The following CNBD1 variants were observed in gnomAD, a reference collection of about 807,000 sequenced individuals.
CNBD1 encodes cyclic nucleotide binding domain containing 1.
In CNBD1, 71 loss-of-function variants were observed where a neutral mutation model predicts 54.4. The observed-to-expected ratio is 1.30, with a 90% confidence interval of 1.08 to 1.59. CNBD1 has a LOEUF of 1.59. Among genes scored for constraint, CNBD1 ranks in the 40% most tolerant of loss-of-function variants. The pLI, the probability that CNBD1 is intolerant of heterozygous loss-of-function variation, is 0.00. For synonymous variants in CNBD1, 182 were observed against 170.7 expected (o/e 1.07, Z -0.51); for missense variants, 659 against 518.0 (o/e 1.27, Z -2.64).
chr8:87,033,952 G>A (rs188077194), intron 4 of CNBD1, among the ~76,000 whole-genome samples: 7 of 152,062 alleles, frequency 4.6e-5, no homozygotes, highest in Admixed American at 1.3e-4. Flanking sequence ...AATCATATTA[G>A]AGCTTATAGG....
At chr8:86,989,304 A>AATAC (rs60755421) in intron 4 of CNBD1, among the ~76,000 whole-genome samples, 41,023 of 149,048 alleles carry the variant, frequency 0.28, 5,907 homozygotes, top group Admixed American at 0.41. Flanking sequence ...AAAACAAATA[A>AATAC]ATACATACAT....
At chr8:86,965,752 C>T (rs1454836176) in intron 4 of CNBD1, among the ~76,000 whole-genome samples, 3 of 152,094 alleles carry the variant, frequency 2.0e-5, no homozygotes, top group Non-Finnish European at 4.4e-5. Context: ...GGTATGAAGA[C>T]AAGCGAAGGG....
intron 4 of CNBD1, among the ~76,000 whole-genome samples, chr8:87,184,586 G>A (rs185692314): frequency 1.3e-4 from 20 of 152,258 alleles, no homozygotes; most frequent in Admixed American, 1.3e-3. Context: ...GGGGTCTCCT[G>A]CAGCTAGGAT....
intron 2 of CNBD1, among the ~76,000 whole-genome samples, chr8:87,417,008 A>T (rs946483439): frequency 2.6e-5 from 4 of 152,106 alleles, no homozygotes; most frequent in Non-Finnish European, 5.9e-5. Context: ...ATTTCATAGT[A>T]ATATGAATCA....
intron 4 of CNBD1, among the ~76,000 whole-genome samples, chr8:87,179,324 C>T (rs984124676): frequency 1.3e-5 from 2 of 152,114 alleles, no homozygotes; most frequent in African/African-American, 4.8e-5. Flanking sequence ...GCTTTAAAAA[C>T]TGCAGTTTTA....
chr8:86,976,963 G>A (rs1414398632), intron 4 of CNBD1, among the ~76,000 whole-genome samples: 8 of 151,700 alleles, frequency 5.3e-5, no homozygotes, highest in Admixed American at 6.6e-5. Flanking sequence ...TCATTCTATC[G>A]GCAAACAGAA....
chr8:86,946,590 G>A (rs771789945), intron 4 of CNBD1, among the ~76,000 whole-genome samples: 14 of 152,030 alleles, frequency 9.2e-5, no homozygotes, highest in Non-Finnish European at 1.5e-4. Context: ...AGTATTTAGT[G>A]TAAGTTCTTT....
chr8:87,384,456 T>C (rs758403043), downstream of CNBD1, among the ~76,000 whole-genome samples: 1 of 151,972 alleles, frequency 6.6e-6, no homozygotes, highest in Non-Finnish European at 1.5e-5. Flanking sequence ...AAAAAGCAGA[T>C]CAGAAATTAA....
chr8:87,408,814 C>A (rs778421289), intron 2 of CNBD1, among the ~76,000 whole-genome samples: 58 of 152,144 alleles, frequency 3.8e-4, no homozygotes, highest in Middle Eastern at 3.4e-3. Context: ...GATTAGTGAT[C>A]TTTGATGTTA....
At chr8:87,176,988 C>T (rs778087436) in intron 4 of CNBD1, among the ~76,000 whole-genome samples, 10 of 152,006 alleles carry the variant, frequency 6.6e-5, no homozygotes, top group Non-Finnish European at 1.0e-4. Context: ...CAGGTTTAAG[C>T]CATGTCTGAC....
intron 4 of CNBD1, among the ~76,000 whole-genome samples, chr8:86,956,562 G>A (rs1807777012): frequency 1.3e-5 from 2 of 152,110 alleles, no homozygotes; most frequent in Admixed American, 6.6e-5. Flanking sequence ...TTGTAAGTTG[G>A]ATTCCTAGGT....
chr8:87,279,532 G>C (rs1430144929), intron 6 of CNBD1, among the ~76,000 whole-genome samples: 1 of 151,192 alleles, frequency 6.6e-6, no homozygotes, highest in Admixed American at 6.6e-5. Context: ...TAAAATAACA[G>C]ATAAACCAGA....
rs1269684391 is a variant in CNBD1 at position 87,407,893 on chromosome 8, G to T, written c.214-20653G>T. ...TTTAATTATTTATATACATGAGTTAGATTGAGCAAAATCCTCTCCCTTTTG... is the reference window on the plus strand; with the variant it reads ...TTTAATTATTTATATACATGAGTTATATTGAGCAAAATCCTCTCCCTTTTG... On this transcript the variant is annotated intron_variant, in intron 2 of 7. Transcript: ENST00000521593. Among the ~76,000 whole-genome samples the T allele has an allele frequency of 3.3e-5, 5 of 151,986 alleles. 1 individual carries two copies. The East Asian group carries it at 5.8e-4, about 18-fold the overall frequency.
At chr8:87,096,554 G>A (rs1811324621) in intron 4 of CNBD1, among the ~76,000 whole-genome samples, 1 of 152,032 alleles carries the variant, frequency 6.6e-6, no homozygotes, top group Non-Finnish European at 1.5e-5. Flanking sequence ...TTTTAATGCT[G>A]GAAAGCATGA....
At chr8:87,045,877 T>C (rs1398972654) in intron 4 of CNBD1, among the ~76,000 whole-genome samples, 1 of 151,548 alleles carries the variant, frequency 6.6e-6, no homozygotes, top group East Asian at 1.9e-4. Context: ...CCGTCTCTAC[T>C]GAAAATACAA....
chr8:87,055,170 G>T (rs563648553), intron 4 of CNBD1, among the ~76,000 whole-genome samples: 26 of 152,182 alleles, frequency 1.7e-4, no homozygotes, highest in Non-Finnish European at 3.2e-4. Context: ...GAACACAAGG[G>T]TGAGGTTAGA....
chr8:87,257,345 G>A (rs1323993664), intron 6 of CNBD1, among the ~76,000 whole-genome samples: 1 of 123,730 alleles, frequency 8.1e-6, no homozygotes, highest in Non-Finnish European at 1.7e-5. Context: ...CTCCAACCTG[G>A]GCAACAAGAG....
intron 10 of CNBD1, among the ~76,000 whole-genome samples, chr8:87,371,870 C>A (rs1810811712): frequency 6.6e-6 from 1 of 151,892 alleles, no homozygotes; most frequent in Admixed American, 6.6e-5. Context: ...GACAAACCCA[C>A]AGCCAATATC....
chr8:87,001,678 G>A (rs1808996135), intron 4 of CNBD1, among the ~76,000 whole-genome samples: 2 of 152,134 alleles, frequency 1.3e-5, no homozygotes, highest in Admixed American at 1.3e-4. Context: ...AATAGCCTGG[G>A]ATCATGCATA....
Sources: gnomAD v4.1 joint callset for allele counts (sites outside exome capture counted in the v4.1 genomes callset) on GRCh38, gnomAD v4.1.1 for gene constraint, MANE v1.5 for transcripts, NCBI Gene and HGNC (gene_info 2026-07-23, HGNC 2026-07-21) for gene names.